The following THSD7B variants were observed in gnomAD, a reference collection of about 807,000 sequenced individuals.
THSD7B encodes thrombospondin type-1 domain-containing protein 7B.
Under a neutral mutation model 213.6 loss-of-function variants are expected in THSD7B, and 138 were observed. The observed-to-expected ratio is 0.65, with a 90% CI of 0.56 to 0.74. The LOEUF (loss-of-function observed/expected upper bound fraction) is 0.74, where lower values mean the gene tolerates loss of function less well. THSD7B is among the 30% of genes least tolerant of loss of function. The pLI, the probability that THSD7B is intolerant of heterozygous loss-of-function variation, is 0.00. For synonymous variants in THSD7B, 742 were observed against 687.0 expected (o/e 1.08, Z -1.25); for missense variants, 1,931 against 1,991.5 (o/e 0.97, Z 0.58).
intron 3 of THSD7B, among the ~76,000 whole-genome samples, chr2:137,063,201 A>T (rs1687311634): frequency 6.9e-6 from 1 of 144,530 alleles, no homozygotes; most frequent in Non-Finnish European, 1.5e-5. Context: ...TCTTGTAGAT[A>T]ACATATAATT....
At chr2:136,843,480 A>G (rs1336203293) in intron 1 of THSD7B, among the ~76,000 whole-genome samples, 2 of 152,202 alleles carry the variant, frequency 1.3e-5, no homozygotes, top group East Asian at 1.9e-4. Context: ...AAAATATTAC[A>G]TAAAACTTTT....
At chr2:137,225,183 T>G (rs1681468557) in intron 7 of THSD7B, among the ~76,000 whole-genome samples, 1 of 152,198 alleles carries the variant, frequency 6.6e-6, no homozygotes, top group Non-Finnish European at 1.5e-5. Flanking sequence ...CCTACTTGAG[T>G]CTTTACTTAT....
In THSD7B at chr2:137,153,801, G is replaced by T. The variant is rs201830567; in HGVS notation, c.1370-6412G>T. Among the ~76,000 whole-genome samples, 10 of 152,272 alleles carry T rather than the reference G, an allele frequency of 6.6e-5. No homozygotes were observed. The East Asian group carries it at 1.7e-3, about 26-fold the overall frequency. On this transcript the variant is annotated intron_variant, in intron 5 of 27. Transcript: ENST00000409968. The stretch of plus-strand genomic sequence containing the variant: ...TGCCAAGTCAGTGTACTCCCTAAAT[G>T]AATATATCAAGGGCAATATTGTTTC...
chr2:136,786,466 G>T (rs1681850758), intron 1 of THSD7B, among the ~76,000 whole-genome samples: 1 of 152,014 alleles, frequency 6.6e-6, no homozygotes, highest in African/African-American at 2.4e-5. Flanking sequence ...TTGGCTTGTT[G>T]AAGAGACCTG....
In THSD7B at chr2:137,398,889, A is replaced by C. The variant is rs533538424; in HGVS notation, c.2501-6724A>C. Among the ~76,000 whole-genome samples the C allele has an allele frequency of 1.3e-3, 194 of 152,292 alleles. 1 individual carries two copies. The highest frequency in any genetic ancestry group is 4.3e-3 in the African/African-American group (180 of 41,568). On this transcript the variant is annotated intron_variant, in intron 12 of 27. Transcript: ENST00000409968. ...TGGTGCACCGTTTTTTAAGCCTGTC[A>C]GAAAAGCGCAATATTCGGGTGGGAG... is the stretch of plus-strand genomic sequence containing the variant.
At chr2:136,926,508 C>T (rs1429589686) in intron 2 of THSD7B, among the ~76,000 whole-genome samples, 30 of 152,056 alleles carry the variant, frequency 2.0e-4, no homozygotes, top group Admixed American at 1.4e-3. Context: ...GTCTGGGCAA[C>T]GTGGCAAAAC....
chr2:136,834,369 C>A (rs988310607), intron 1 of THSD7B, among the ~76,000 whole-genome samples: 1 of 152,278 alleles, frequency 6.6e-6, no homozygotes, highest in East Asian at 1.9e-4. Flanking sequence ...TGCTGACAGA[C>A]GTTGCTGTAA....
chr2:137,335,144 A>G (rs1482113991), intron 12 of THSD7B, among the ~76,000 whole-genome samples: 1 of 152,214 alleles, frequency 6.6e-6, no homozygotes, highest in African/African-American at 2.4e-5. Context: ...GAAACTTTGT[A>G]TTTCTATGGG....
chr2:137,557,301 T>C lies in THSD7B; in HGVS notation c.3139-5920T>C, dbSNP rs571037655. On this transcript the variant is annotated intron_variant, in intron 15 of 27. Transcript: ENST00000409968. ...GAGCACATAGTTGAAAGTGAAGCAC[T>C]CCTCAGCAAATGTAAAAGAACAGAA... is the stretch of plus-strand genomic sequence containing the variant. Among the ~76,000 whole-genome samples the C allele has an allele frequency of 2.6e-5, 4 of 152,224 alleles. No individual in the cohort carries two copies. In the East Asian group the frequency reaches 5.8e-4, roughly 22 times the overall value.
At chr2:137,281,675 T>A (rs1160947156) in intron 12 of THSD7B, among the ~76,000 whole-genome samples, 1 of 151,870 alleles carries the variant, frequency 6.6e-6, no homozygotes, top group Non-Finnish European at 1.5e-5. Flanking sequence ...GTCCTTGAGA[T>A]AGTTTGCTGA....
chr2:137,005,643 G>T (rs1686090637), intron 2 of THSD7B, among the ~76,000 whole-genome samples: 1 of 152,096 alleles, frequency 6.6e-6, no homozygotes, highest in Admixed American at 6.6e-5. Context: ...CTATTAATTT[G>T]GCTTCTATTG....
At chr2:137,121,541 A>G (rs1688547223) in intron 5 of THSD7B, among the ~76,000 whole-genome samples, 1 of 152,204 alleles carries the variant, frequency 6.6e-6, no homozygotes, top group African/African-American at 2.4e-5. Context: ...ACCTAGAACT[A>G]GATATGAATA....
At chr2:137,438,615 A>T (rs1419419975) in intron 14 of THSD7B, among the ~76,000 whole-genome samples, 1 of 152,060 alleles carries the variant, frequency 6.6e-6, no homozygotes, top group Non-Finnish European at 1.5e-5. Flanking sequence ...AGTCCCTGCG[A>T]TGGTTGATAA....
chr2:137,431,344 G>A (rs879499121), intron 14 of THSD7B, among the ~76,000 whole-genome samples: 2 of 152,170 alleles, frequency 1.3e-5, no homozygotes, highest in Non-Finnish European at 2.9e-5. Flanking sequence ...AGATTGTAGA[G>A]ACCAGGGTTC....
At chr2:137,546,464 A>ATATATATAT (rs1680736679) in intron 15 of THSD7B, among the ~76,000 whole-genome samples, 4 of 16,770 alleles carry the variant, frequency 2.4e-4, no homozygotes, top group African/African-American at 8.1e-4. Context: ...ATTATATATA[A>ATATATATAT]TATATATATA....
intron 14 of THSD7B, among the ~76,000 whole-genome samples, chr2:137,426,747 G>A (rs1302046585): frequency 2.6e-5 from 4 of 152,042 alleles, no homozygotes; most frequent in Admixed American, 2.6e-4. Flanking sequence ...TCTTGACAAT[G>A]ATATTTTGGA....
At chr2:136,840,920 AT>A (rs145451960) in intron 1 of THSD7B, among the ~76,000 whole-genome samples, 11 of 152,118 alleles carry the variant, frequency 7.2e-5, no homozygotes, top group Admixed American at 6.5e-4. Context: ...ATGATTCCAG[AT>A]TTTTTGGTTT....
intron 2 of THSD7B, among the ~76,000 whole-genome samples, chr2:136,906,187 G>A (rs1184586890): frequency 6.6e-6 from 1 of 152,108 alleles, no homozygotes; most frequent in Non-Finnish European, 1.5e-5. Flanking sequence ...GTGGAGTGAA[G>A]TTTTAAGAGA....
At chr2:137,078,262 T>G (rs1341279522) in intron 3 of THSD7B, among the ~76,000 whole-genome samples, 1 of 152,236 alleles carries the variant, frequency 6.6e-6, no homozygotes, top group Admixed American at 6.5e-5. Flanking sequence ...GATAGCGTGA[T>G]GCCTCCAGCT....
Sources: allele counts gnomAD v4.1 joint callset (sites outside exome capture counted in the v4.1 genomes callset), GRCh38; gene constraint gnomAD v4.1.1; transcripts MANE v1.5; gene names NCBI Gene and HGNC (gene_info 2026-07-23, HGNC 2026-07-21).